Variants in DRC4 observed in about 807,000 individuals in gnomAD.
The protein encoded by DRC4 is GAS-11.
chr16:90,042,321 C>G, the DRC4 span: 1 of 698,386 alleles, frequency 1.4e-6, no homozygotes, highest in East Asian at 2.8e-5. Flanking sequence ...AGACCTTTTT[C>G]TGCTGACAAC....
At chr16:90,028,948 T>C in the DRC4 span, 6 of 1,302,692 alleles carry the variant, frequency 4.6e-6, no homozygotes, top group Non-Finnish European at 6.1e-6. Context: ...AGGCAAACCA[T>C]TGGCAGTTTA....
chr16:90,027,703 A>G, the DRC4 span: 16 of 1,613,452 alleles, frequency 9.9e-6, no homozygotes, highest in East Asian at 3.1e-4. Flanking sequence ...CTCGCTCCAG[A>G]GGACATGAGC....
chr16:90,034,656 TA>T, the DRC4 span, among the ~76,000 whole-genome samples: 10 of 152,142 alleles, frequency 6.6e-5, no homozygotes, highest in East Asian at 1.5e-3. Flanking sequence ...AAAAATAATT[TA>T]TTTTTTTATG....
the DRC4 span, chr16:90,031,318 G>A: frequency 1.4e-5 from 23 of 1,612,812 alleles, no homozygotes; most frequent in Admixed American, 1.2e-4. Flanking sequence ...CATGTCAGCC[G>A]CATCCGGGAG....
the DRC4 span, chr16:90,040,394 G>A: frequency 6.3e-4 from 1,017 of 1,611,558 alleles, 8 homozygotes; most frequent in African/African-American, 0.012. Context: ...GTGCTAGAAC[G>A]CAAGCTGCAG....
At chr16:90,021,174 T>G in the DRC4 span, among the ~76,000 whole-genome samples, 1 of 152,210 alleles carries the variant, frequency 6.6e-6, no homozygotes, top group East Asian at 1.9e-4. Context: ...AGGACTTAGG[T>G]GGGCAAACAG....
At chr16:90,043,318 C>T in the DRC4 span, 30 of 1,610,474 alleles carry the variant, frequency 1.9e-5, no homozygotes, top group Non-Finnish European at 2.4e-5. Context: ...GCCAGGGCCC[C>T]GCGGGACTGG....
chr16:90,040,367 C>T, the DRC4 span: 1 of 1,609,180 alleles, frequency 6.2e-7, no homozygotes. Context: ...CAGCAGAAGA[C>T]AGGGTTCAAG....
At chr16:90,034,374 A>G in the DRC4 span, among the ~76,000 whole-genome samples, 1 of 152,198 alleles carries the variant, frequency 6.6e-6, no homozygotes, top group African/African-American at 2.4e-5. Flanking sequence ...CTGTAATCCC[A>G]GCACTTTGGG....
the DRC4 span, chr16:90,043,196 G>A: frequency 6.2e-7 from 1 of 1,610,470 alleles, no homozygotes; most frequent in Non-Finnish European, 8.5e-7. Flanking sequence ...GTCTCCACAG[G>A]CCCATAACGA....
At chr16:90,033,311 G>C in the DRC4 span, among the ~76,000 whole-genome samples, 1 of 152,212 alleles carries the variant, frequency 6.6e-6, no homozygotes, top group South Asian at 2.1e-4. Flanking sequence ...GTGACAGTTT[G>C]TCACACAAGC....
the DRC4 span, chr16:90,029,227 G>A: frequency 1.5e-6 from 2 of 1,366,500 alleles, no homozygotes; most frequent in Non-Finnish European, 2.0e-6. Context: ...GCAGGCCCTT[G>A]CACTGCACAT....
the DRC4 span, chr16:90,044,329 A>G: frequency 0.13 from 53,670 of 415,446 alleles, 6,319 homozygotes; most frequent in East Asian, 0.61. Context: ...CGTAGAGTCT[A>G]TTGCTGCCTG....
At chr16:90,026,924 G>A in the DRC4 span, among the ~76,000 whole-genome samples, 1 of 148,914 alleles carries the variant, frequency 6.7e-6, no homozygotes, top group African/African-American at 2.5e-5. Context: ...GTTACAGTTT[G>A]CTTTTTGAGA....
the DRC4 span, chr16:90,043,386 G>A: frequency 1.3e-5 from 21 of 1,570,804 alleles, no homozygotes; most frequent in Non-Finnish European, 1.3e-5. Flanking sequence ...ACCAGCCTAG[G>A]AACACTCGGG....
the DRC4 span, chr16:90,035,843 T>A: frequency 3.3e-6 from 5 of 1,534,006 alleles, no homozygotes; most frequent in Middle Eastern, 3.5e-4. Flanking sequence ...CCAAGGCCAG[T>A]GGACCCACTC....
the DRC4 span, among the ~76,000 whole-genome samples, chr16:90,041,437 C>T: frequency 6.6e-6 from 1 of 152,204 alleles, no homozygotes; most frequent in Admixed American, 6.5e-5. Context: ...GAAGTCCCTG[C>T]CTCGCCACGT....
chr16:90,036,164 C>G, the DRC4 span: 107 of 589,660 alleles, frequency 1.8e-4, no homozygotes, highest in Non-Finnish European at 2.8e-4. Context: ...ATGCCTGTCA[C>G]TGGCAAAGGC....
chr16:90,041,609 G>T, the DRC4 span, among the ~76,000 whole-genome samples: 1 of 152,282 alleles, frequency 6.6e-6, no homozygotes, highest in African/African-American at 2.4e-5. Flanking sequence ...TTCAAGACCA[G>T]CCTGGCCAAG....
Sources: allele counts gnomAD v4.1 joint callset (sites outside exome capture counted in the v4.1 genomes callset), GRCh38; gene constraint gnomAD v4.1.1; transcripts MANE v1.5; gene names NCBI Gene and HGNC (gene_info 2026-07-23, HGNC 2026-07-21).